Variants in ZAP70 observed in about 807,000 individuals in gnomAD.
ZAP70 encodes tyrosine-protein kinase ZAP-70.
Under a neutral mutation model 65.8 loss-of-function variants are expected in ZAP70, and 27 were observed. The ratio of observed to expected loss-of-function variants is 0.41; its 90% CI spans 0.30 to 0.57. The LOEUF (loss-of-function observed/expected upper bound fraction) is 0.57, where lower values mean the gene tolerates loss of function less well. Among genes scored for constraint, ZAP70 ranks in the 20% least tolerant of loss-of-function variants. The probability of loss-of-function intolerance (pLI) is 0.28; values close to 1 mark genes in which losing one functional copy is unlikely to be tolerated. For missense variants in ZAP70, 696 were observed against 870.5 expected, an observed-to-expected ratio of 0.80 and a Z score of 2.52; for synonymous variants, 363 against 360.8, an observed-to-expected ratio of 1.01 and a Z score of -0.07.
chr2:97,732,745 C>T (rs1339992825), intron 4 of ZAP70, 138 bp from the exon 5 acceptor site: 2 of 1,306,898 alleles, frequency 1.5e-6, no homozygotes, highest in Non-Finnish European at 1.1e-6. Context: ...GGGGCCTGGC[C>T]TGGCTTCCCC....
intron 9 of ZAP70, 93 bp downstream of exon 9, chr2:97,734,805 C>G (rs767235413): frequency 1.1e-5 from 17 of 1,521,226 alleles, no homozygotes; most frequent in Admixed American, 1.7e-5. Context: ...GGATGTCTGT[C>G]TCACAGCAGT....
In ZAP70 at chr2:97,722,282, A is replaced by G. The variant is rs533826592; in HGVS notation, c.-21-1734A>G. Among the ~76,000 whole-genome samples, 8 of 149,422 alleles carry G rather than the reference A, an allele frequency of 5.4e-5. No individual in the cohort carries two copies. The East Asian group carries it at 1.0e-3, about 19-fold the overall frequency. ...TTTATGGTGGAGACGGGGTTTCACC[A>G]TGTTAGCCAGGCTGGTCTCGAACTG... On this transcript the variant is annotated intron_variant, in intron 2 of 13. Coordinates refer to ENST00000264972, the MANE Select transcript of ZAP70 (RefSeq NM_001079.4).
chr2:97,727,578 G>C (rs934128626), intron 4 of ZAP70, among the ~76,000 whole-genome samples: 1 of 152,198 alleles, frequency 6.6e-6, no homozygotes, highest in Non-Finnish European at 1.5e-5. Context: ...AGGTGCCTGA[G>C]AGTCCAGGGG....
the ZAP70 span, among the ~76,000 whole-genome samples, chr2:97,756,180 A>C: frequency 6.6e-6 from 1 of 152,124 alleles, no homozygotes; most frequent in African/African-American, 2.4e-5. Flanking sequence ...AACACACAGA[A>C]CTCCATTAGA....
At chr2:97,723,679 A>T (rs1677247486) in intron 2 of ZAP70, among the ~76,000 whole-genome samples, 2 of 152,162 alleles carry the variant, frequency 1.3e-5, no homozygotes, top group South Asian at 4.1e-4. Flanking sequence ...AAGCGTGCAT[A>T]TCCCCAGCAC....
chr2:97,748,491 G>A, the ZAP70 span, among the ~76,000 whole-genome samples: 1 of 152,238 alleles, frequency 6.6e-6, no homozygotes, highest in East Asian at 1.9e-4. Context: ...CTGCTTCCCC[G>A]CCTGCCATGG....
intron 8 of ZAP70, 120 bp downstream of exon 8, chr2:97,733,715 G>A (rs546800740): frequency 6.5e-5 from 84 of 1,298,564 alleles, no homozygotes; most frequent in Non-Finnish European, 7.0e-5. Flanking sequence ...GTGGCAGTTG[G>A]CTTGGTTAAC....
chr2:97,717,466 C>T (rs1310490908), intron 2 of ZAP70, among the ~76,000 whole-genome samples: 1 of 139,252 alleles, frequency 7.2e-6, no homozygotes, highest in African/African-American at 2.7e-5. Context: ...CACGAGGAGC[C>T]TCTGAGCCTC....
downstream of ZAP70, among the ~76,000 whole-genome samples, chr2:97,744,372 T>C (rs1246558538): frequency 1.3e-5 from 2 of 152,180 alleles, no homozygotes; most frequent in East Asian, 3.9e-4. Context: ...CGGTATAATA[T>C]GACAAGGCCC....
chr2:97,749,418 C>A, the ZAP70 span, among the ~76,000 whole-genome samples: 2 of 152,266 alleles, frequency 1.3e-5, no homozygotes, highest in East Asian at 3.9e-4. Context: ...GTTTATAGAG[C>A]AGGGACAAGG....
At chr2:97,740,528 TTA>T (rs1451729696), downstream of ZAP70, among the ~76,000 whole-genome samples, 1 of 152,206 alleles carries the variant, frequency 6.6e-6, no homozygotes, top group Non-Finnish European at 1.5e-5. Context: ...TTGGTCATCA[TTA>T]TGTTTCATGT....
At chr2:97,734,877 C>T (rs1677788650) in intron 9 of ZAP70, 165 bp downstream of exon 9, 2 of 787,992 alleles carry the variant, frequency 2.5e-6, no homozygotes, top group East Asian at 3.1e-5. Context: ...TGAGAGAGCT[C>T]GGGACACCTG....
the ZAP70 span, among the ~76,000 whole-genome samples, chr2:97,754,084 A>G: frequency 6.6e-6 from 1 of 152,260 alleles, no homozygotes; most frequent in African/African-American, 2.4e-5. Context: ...CAAAGCGACT[A>G]TCATGCCAAC....
At chr2:97,723,344 G>GT (rs1677233942) in intron 2 of ZAP70, among the ~76,000 whole-genome samples, 1 of 152,264 alleles carries the variant, frequency 6.6e-6, no homozygotes, top group Admixed American at 6.5e-5. Context: ...AGGCTGAGGG[G>GT]TAGGGCCCTT....
At chr2:97,746,355 TA>T in the ZAP70 span, among the ~76,000 whole-genome samples, 8 of 152,078 alleles carry the variant, frequency 5.3e-5, no homozygotes, top group East Asian at 1.9e-4. Flanking sequence ...AAAAATAGCT[TA>T]AAAAAACCCA....
rs982430859 is a variant in ZAP70, at chr2:97,736,611, C to T, written c.1290-862C>T. Among the ~76,000 whole-genome samples, 10 of 152,184 alleles carry T rather than the reference C, an allele frequency of 6.6e-5. No homozygotes were observed. The highest frequency in any genetic ancestry group is 3.3e-4 in the Admixed American group (5 of 15,284). ...GATAGTGTGGTGGGCACAAGCCTGCCGCAGCTCCAGGGGGTTGGGAGTGTT... is the reference window on the plus strand; with the variant it reads ...GATAGTGTGGTGGGCACAAGCCTGCTGCAGCTCCAGGGGGTTGGGAGTGTT... On this transcript the variant is annotated intron_variant, in intron 10 of 13. Coordinates refer to ENST00000264972, the MANE Select transcript of ZAP70 (RefSeq NM_001079.4). The surrounding 1 kb of genome is among the most constrained non-coding windows in gnomAD (Gnocchi z 4.0).
At chr2:97,734,458 A>G (rs1440379260) in intron 8 of ZAP70, 62 bp from the exon 9 acceptor site, 14 of 1,538,476 alleles carry the variant, frequency 9.1e-6, no homozygotes, top group Non-Finnish European at 1.2e-5. Flanking sequence ...GTGGGGGCTG[A>G]GGCTGCCTTG....
chr2:97,716,129 C>T (rs1425951032), intron 2 of ZAP70, among the ~76,000 whole-genome samples: 3 of 152,160 alleles, frequency 2.0e-5, no homozygotes, highest in Admixed American at 2.0e-4. Context: ...GCCGGAGGCC[C>T]AGTAGAAGGA....
chr2:97,743,357 TAA>T, downstream of ZAP70, among the ~76,000 whole-genome samples: 1 of 152,354 alleles, frequency 6.6e-6, no homozygotes, highest in South Asian at 2.1e-4. Context: ...TTCTTTGAGA[TAA>T]AGTTTTGCTC....
Sources: allele counts gnomAD v4.1 joint callset (sites outside exome capture counted in the v4.1 genomes callset), GRCh38; gene constraint gnomAD v4.1.1; non-coding constraint Gnocchi (gnomAD v3.1); transcripts MANE v1.5; gene names NCBI Gene and HGNC (gene_info 2026-07-23, HGNC 2026-07-21).